The following PKIA variants were observed in gnomAD, a reference collection of about 807,000 sequenced individuals.
PKIA encodes cAMP-dependent protein kinase inhibitor alpha, also known as PKI-alpha.
Under a neutral mutation model 7.6 loss-of-function variants are expected in PKIA, and 4 were observed. The ratio of observed to expected loss-of-function variants is 0.52; its 90% CI spans 0.26 to 1.20. PKIA has a LOEUF of 1.20. Among genes scored for constraint, PKIA ranks in the 50% most tolerant of loss-of-function variants. The pLI, the probability that PKIA is intolerant of heterozygous loss-of-function variation, is 0.13. For missense variants in PKIA, 73 were observed against 86.2 expected (o/e 0.85, Z 0.61); for synonymous variants, 21 against 30.7 (o/e 0.68, Z 1.04).
At chr8:78,532,661 C>T (rs1402282919) in intron 1 of PKIA, among the ~76,000 whole-genome samples, 1 of 152,024 alleles carries the variant, frequency 6.6e-6, no homozygotes, top group Non-Finnish European at 1.5e-5. Flanking sequence ...AATCCCAGCA[C>T]TTTGGGAGGC....
chr8:78,593,204 C>T (rs1041871179), intron 2 of PKIA, among the ~76,000 whole-genome samples: 3 of 152,194 alleles, frequency 2.0e-5, no homozygotes, highest in Admixed American at 2.0e-4. Flanking sequence ...CTCACTGCAA[C>T]CTCCGCCACC....
At chr8:78,598,579 T>A in intron 3 of PKIA, 44 bp downstream of exon 3, 1 of 1,528,500 alleles carries the variant, frequency 6.5e-7, no homozygotes, top group Non-Finnish European at 9.0e-7. Flanking sequence ...TGGAATGATT[T>A]GCGGCATTTT....
chr8:78,557,891 T>C (rs1807182978), intron 1 of PKIA, among the ~76,000 whole-genome samples: 1 of 152,184 alleles, frequency 6.6e-6, no homozygotes, highest in African/African-American at 2.4e-5. Context: ...TTTTGTCTGA[T>C]TTGTTTGTAC....
intron 2 of PKIA, among the ~76,000 whole-genome samples, chr8:78,592,040 A>G (rs767422589): frequency 6.6e-6 from 1 of 152,228 alleles, no homozygotes; most frequent in East Asian, 1.9e-4. Context: ...CAAGTCGTCT[A>G]TACAGGTATG....
intron 1 of PKIA, among the ~76,000 whole-genome samples, chr8:78,566,033 T>C (rs1807404387): frequency 6.6e-6 from 1 of 151,978 alleles, no homozygotes; most frequent in African/African-American, 2.4e-5. Context: ...CAAATTGATA[T>C]GGTAAAAGAG....
intron 1 of PKIA, among the ~76,000 whole-genome samples, chr8:78,569,497 T>G (rs935893905): frequency 6.6e-6 from 1 of 152,172 alleles, no homozygotes; most frequent in Non-Finnish European, 1.5e-5. Context: ...CCCTTGTAGC[T>G]TTCTTGCTAC....
chr8:78,537,177 GT>G (rs551095426), intron 1 of PKIA, among the ~76,000 whole-genome samples: 391 of 139,930 alleles, frequency 2.8e-3, no homozygotes, highest in Middle Eastern at 0.011. Context: ...GTTTAGTTTA[GT>G]TTTTTTTTTT....
At chr8:78,541,099 C>T (rs1176970959) in intron 1 of PKIA, among the ~76,000 whole-genome samples, 1 of 152,140 alleles carries the variant, frequency 6.6e-6, no homozygotes, top group Non-Finnish European at 1.5e-5. Flanking sequence ...ACCTCAACAT[C>T]TCTGCATTTC....
At position 78,598,389 on chromosome 8, in the gene PKIA, C is replaced by T; in HGVS notation, c.5C>T (p.Thr2Ile). M[T>I]DVETTYADFI... ...CTATGTGGATATTTGGTAGCAATGA[C>T]TGATGTGGAAACTACATATGCAGAT... is the stretch of plus-strand genomic sequence containing the variant. Residue 2 changes from threonine (T) to isoleucine (I), a missense_variant, in exon 3 of 4, where the codon ACT becomes ATT. Thr to Ile is a moderately conservative substitution (Grantham distance 89). Transcript: ENST00000396418. 6.2e-7 allele frequency: 1 copy of T among 1,608,140 alleles called. No homozygotes were observed. The highest frequency in any genetic ancestry group is 8.5e-7 in the Non-Finnish European group (1 of 1,176,146).
At chr8:78,531,485 A>G (rs1563568291) in intron 1 of PKIA, among the ~76,000 whole-genome samples, 1 of 152,160 alleles carries the variant, frequency 6.6e-6, no homozygotes, top group Non-Finnish European at 1.5e-5. Context: ...GAAAAATAAT[A>G]TAACAGTTAT....
chr8:78,559,075 C>T (rs1345076792), intron 1 of PKIA, among the ~76,000 whole-genome samples: 1 of 152,128 alleles, frequency 6.6e-6, no homozygotes, highest in Non-Finnish European at 1.5e-5. Flanking sequence ...GCATGCGCCA[C>T]AACGCCTGGC....
chr8:78,582,013 T>C (rs1807823002), intron 2 of PKIA, among the ~76,000 whole-genome samples: 1 of 152,036 alleles, frequency 6.6e-6, no homozygotes, highest in African/African-American at 2.4e-5. Flanking sequence ...TGTGAGATCA[T>C]ATTTTTAAAA....
intron 1 of PKIA, among the ~76,000 whole-genome samples, chr8:78,532,853 T>C (rs1806427222): frequency 6.6e-6 from 1 of 152,034 alleles, no homozygotes; most frequent in South Asian, 2.1e-4. Context: ...AGGTAGAGGT[T>C]GCAGTGAGCT....
intron 1 of PKIA, among the ~76,000 whole-genome samples, chr8:78,547,694 C>T (rs377751654): frequency 6.6e-6 from 1 of 152,100 alleles, no homozygotes; most frequent in African/African-American, 2.4e-5. Context: ...GAGGACTAGA[C>T]AGTATGTTGT....
chr8:78,560,340 C>T (rs903288129), intron 1 of PKIA, among the ~76,000 whole-genome samples: 2 of 152,132 alleles, frequency 1.3e-5, no homozygotes, highest in Non-Finnish European at 2.9e-5. Flanking sequence ...TAACTCTAAG[C>T]TTTTTCCCCA....
Position 78,553,440 on chromosome 8 carries a change from T to C in PKIA, c.-156-19371T>C, listed in dbSNP as rs143465080. ...TTCACATCTAATAATTCTATGTCCA[T>C]CAACTCTTAAGTGGTGTCATTCTTT... On this transcript the variant is annotated intron_variant, in intron 1 of 3. Transcript: ENST00000396418. 4.3e-3 allele frequency among the ~76,000 whole-genome samples: 654 copies of C among 152,118 alleles called. 2 individuals are homozygous for C. The highest frequency in any genetic ancestry group is 0.015 in the African/African-American group (629 of 41,560).
intron 1 of PKIA, among the ~76,000 whole-genome samples, chr8:78,518,624 T>C (rs1809359546): frequency 1.3e-5 from 2 of 152,294 alleles, no homozygotes; most frequent in African/African-American, 4.8e-5. Flanking sequence ...AATATCCTAA[T>C]GATGGTTAGA....
intron 1 of PKIA, among the ~76,000 whole-genome samples, chr8:78,557,093 T>G (rs1046559427): frequency 6.6e-6 from 1 of 152,104 alleles, no homozygotes; most frequent in Non-Finnish European, 1.5e-5. Context: ...AGAAAGCCCA[T>G]CTCACCAACT....
chr8:78,571,018 T>C (rs1807534328), intron 1 of PKIA, among the ~76,000 whole-genome samples: 1 of 152,138 alleles, frequency 6.6e-6, no homozygotes, highest in Non-Finnish European at 1.5e-5. Context: ...AAGTAAATTC[T>C]TGATGCTAAG....
Sources: gnomAD v4.1 joint callset for allele counts (sites outside exome capture counted in the v4.1 genomes callset) on GRCh38, gnomAD v4.1.1 for gene constraint, MANE v1.5 for transcripts, NCBI Gene and HGNC (gene_info 2026-07-23, HGNC 2026-07-21) for gene names.